CHUK: variants seen among roughly 807,000 people sequenced by gnomAD.
CHUK encodes inhibitor of nuclear factor kappa-B kinase subunit alpha.
In CHUK, 35 loss-of-function variants were observed where a neutral mutation model predicts 104.8. The observed-to-expected ratio is 0.33, with a 90% CI of 0.26 to 0.44. CHUK has a LOEUF of 0.44. Ranked by LOEUF, CHUK falls within the 20% of genes least tolerant of loss-of-function variation. The probability of loss-of-function intolerance (pLI) is 1.00; values close to 1 mark genes in which losing one functional copy is unlikely to be tolerated. For synonymous variants in CHUK, 276 were observed against 291.9 expected, an observed-to-expected ratio of 0.95 and a Z score of 0.56; for missense variants, 663 against 902.7, an observed-to-expected ratio of 0.73 and a Z score of 3.40.
intron 1 of CHUK, among the ~76,000 whole-genome samples, chr10:100,227,378 T>C (rs2134255735): frequency 6.6e-6 from 1 of 152,310 alleles, no homozygotes; most frequent in African/African-American, 2.4e-5. Context: ...TTGTGTTATG[T>C]ATACTTTACC....
chr10:100,192,509 G>A (rs368481036), intron 19 of CHUK: 2 of 644,598 alleles, frequency 3.1e-6, no homozygotes, highest in Admixed American at 6.3e-5. Flanking sequence ...TAAAAGTAGA[G>A]TACAGAATGT....
At chr10:100,228,993 G>GCGCGCACACA (rs764914118) in intron 1 of CHUK, among the ~76,000 whole-genome samples, 4 of 133,464 alleles carry the variant, frequency 3.0e-5, no homozygotes, top group African/African-American at 6.1e-5. Flanking sequence ...GCGCGCGCGC[G>GCGCGCACACA]CACACACACA....
At chr10:100,196,186 C>T (rs1845322047) in intron 16 of CHUK, among the ~76,000 whole-genome samples, 1 of 152,174 alleles carries the variant, frequency 6.6e-6, no homozygotes, top group South Asian at 2.1e-4. Flanking sequence ...GCTACAACTT[C>T]TATCACTTAA....
At chr10:100,221,532 A>G (rs1212206441) in intron 4 of CHUK, among the ~76,000 whole-genome samples, 1 of 152,158 alleles carries the variant, frequency 6.6e-6, no homozygotes, top group Non-Finnish European at 1.5e-5. Flanking sequence ...GTAGGGGGGG[A>G]GAGAAATTGA....
intron 19 of CHUK, chr10:100,192,617 T>C (rs1011938671): frequency 1.0e-6 from 1 of 985,798 alleles, no homozygotes; most frequent in Non-Finnish European, 1.2e-6. Flanking sequence ...GCTGTAGAGG[T>C]CTCCATGAGT....
intron 11 of CHUK, 118 bp from the exon 12 acceptor site, chr10:100,205,317 T>C: frequency 9.5e-7 from 1 of 1,056,384 alleles, no homozygotes; most frequent in African/African-American, 1.6e-5. Context: ...CCATAGATGC[T>C]AGAAACTGAT....
Position 100,218,146 on chromosome 10 carries a change from A to C in CHUK, c.798-16T>G, listed in dbSNP as rs962096325. 6.9e-6 allele frequency: 11 copies of C among 1,600,330 alleles called. No homozygotes were observed. The African/African-American group carries it at 9.4e-5, about 14-fold the overall frequency. On this transcript the variant is annotated splice_polypyrimidine_tract_variant and intron_variant, in intron 8 of 20. Transcript: ENST00000370397. ...TACTACTAAACTAGAAAACATACAAAATAGGGTGAAAATCAAATCATTATG... is the reference window on the plus strand; with the variant it reads ...TACTACTAAACTAGAAAACATACAACATAGGGTGAAAATCAAATCATTATG...
chr10:100,223,080 GA>G, intron 2 of CHUK, 100 bp from the exon 3 acceptor site: 1 of 668,022 alleles, frequency 1.5e-6, no homozygotes, highest in East Asian at 2.8e-5. Flanking sequence ...AACAGAGGGG[GA>G]AAGATCAGTA....
chr10:100,226,095 A>C, intron 1 of CHUK, 78 bp from the exon 2 acceptor site: 1 of 865,712 alleles, frequency 1.2e-6, no homozygotes, highest in Admixed American at 1.8e-5. Context: ...AAATAACTTA[A>C]GACAACAAAA....
In CHUK at chr10:100,219,257, A is replaced by G. The variant is rs749688699; in HGVS notation, c.564+13T>C. 2.3e-5 allele frequency: 36 copies of G among 1,577,280 alleles called. No homozygotes were observed. Among genetic ancestry groups the G allele is most frequent in the Non-Finnish European group, 3.1e-5 (36 of 1,146,564 alleles). On this transcript the variant is annotated intron_variant, in intron 6 of 20. Coordinates refer to ENST00000370397, the MANE Select transcript of CHUK (RefSeq NM_001278.5). ...ATACACACTTAAATTCAAAGAAACAAAACAGGTCTCACCAGATACTGCAGT... is the reference window on the plus strand; with the variant it reads ...ATACACACTTAAATTCAAAGAAACAGAACAGGTCTCACCAGATACTGCAGT...
chr10:100,216,520 A>G (rs1322288296), intron 9 of CHUK, among the ~76,000 whole-genome samples: 1 of 152,192 alleles, frequency 6.6e-6, no homozygotes, highest in African/African-American at 2.4e-5. Context: ...CCTGCTCAAC[A>G]CAGTGAGACC....
chr10:100,229,061 CCCT>C (rs144689573), intron 1 of CHUK, among the ~76,000 whole-genome samples: 4,360 of 151,230 alleles, frequency 0.029, 106 homozygotes, highest in Non-Finnish European at 0.048. Flanking sequence ...TCCCCTTCAG[CCCT>C]CTTCTCACAC....
chr10:100,195,956 T>C (rs1845315788), intron 16 of CHUK: 1 of 152,192 alleles, frequency 6.6e-6, no homozygotes, highest in Non-Finnish European at 1.5e-5. Context: ...ATTTTTTTTT[T>C]GAAATGGAGT....
chr10:100,191,361 A>T (rs1845198546), intron 19 of CHUK, among the ~76,000 whole-genome samples: 1 of 152,248 alleles, frequency 6.6e-6, no homozygotes, highest in South Asian at 2.1e-4. Flanking sequence ...TAGTAAAAAC[A>T]CCAGCATGCA....
At chr10:100,228,484 T>C (rs1846154249) in intron 1 of CHUK, among the ~76,000 whole-genome samples, 1 of 152,000 alleles carries the variant, frequency 6.6e-6, no homozygotes, top group Non-Finnish European at 1.5e-5. Context: ...TGAAACCCCG[T>C]CTCTACTAAA....
intron 9 of CHUK, among the ~76,000 whole-genome samples, chr10:100,213,498 A>C (rs796614526): frequency 6.6e-6 from 1 of 150,680 alleles, no homozygotes; most frequent in African/African-American, 2.5e-5. Context: ...AAAAAAAAAA[A>C]AAAAATTAAA....
intron 11 of CHUK, among the ~76,000 whole-genome samples, chr10:100,206,268 AATATTTT>A (rs1845589235): frequency 6.6e-6 from 1 of 151,968 alleles, no homozygotes; most frequent in African/African-American, 2.4e-5. Flanking sequence ...AATATTTTTA[AATATTTT>A]ATGTTTTTTA....
At chr10:100,206,952 C>T (rs1261454235) in intron 11 of CHUK, among the ~76,000 whole-genome samples, 2 of 152,144 alleles carry the variant, frequency 1.3e-5, no homozygotes, top group East Asian at 3.9e-4. Flanking sequence ...AATTAAAAAG[C>T]AGGTTCAACT....
intron 9 of CHUK, 27 bp from the exon 10 acceptor site, chr10:100,209,816 G>C (rs376736973): frequency 6.8e-6 from 7 of 1,022,106 alleles, no homozygotes; most frequent in Non-Finnish European, 1.1e-5. Context: ...AAAAGGTAAA[G>C]TTATTGATTA....
Sources: allele counts gnomAD v4.1 joint callset (sites outside exome capture counted in the v4.1 genomes callset), GRCh38; gene constraint gnomAD v4.1.1; transcripts MANE v1.5; gene names NCBI Gene and HGNC (gene_info 2026-07-23, HGNC 2026-07-21).